The following CPEB1 variants were observed in gnomAD, a reference collection of about 807,000 sequenced individuals.
The protein encoded by CPEB1 is cytoplasmic polyadenylation element-binding protein 1.
A neutral mutation model predicts 65.8 loss-of-function variants in CPEB1; 7 were observed. The observed-to-expected ratio is 0.11, with a 90% CI of 0.06 to 0.20. The LOEUF is 0.20. Ranked by LOEUF, CPEB1 falls within the 10% of genes least tolerant of loss-of-function variation. The pLI is 1.00. For synonymous variants in CPEB1, 262 were observed against 260.0 expected (o/e 1.01, Z -0.08); for missense variants, 551 against 712.2 (o/e 0.77, Z 2.58).
chr15:82,567,500 G>A (rs1349917587), intron 4 of CPEB1, among the ~76,000 whole-genome samples: 1 of 152,026 alleles, frequency 6.6e-6, no homozygotes, highest in East Asian at 1.9e-4. Flanking sequence ...AGCTCGGTGT[G>A]GTGGTGGGCA....
intron 3 of CPEB1, among the ~76,000 whole-genome samples, chr15:82,598,703 T>G (rs953113066): frequency 1.3e-5 from 2 of 152,102 alleles, no homozygotes; most frequent in African/African-American, 4.8e-5. Context: ...GAGAATCTTT[T>G]GAACCCAGGA....
At chr15:82,643,534 CAGA>C (rs1215682362) in intron 1 of CPEB1, among the ~76,000 whole-genome samples, 2 of 151,374 alleles carry the variant, frequency 1.3e-5, no homozygotes, top group African/African-American at 4.9e-5. Flanking sequence ...GAGGCTGAGG[CAGA>C]AGAATTGCTT....
intron 3 of CPEB1, among the ~76,000 whole-genome samples, chr15:82,585,176 C>G (rs1038132841): frequency 3.3e-5 from 5 of 152,038 alleles, no homozygotes; most frequent in African/African-American, 9.7e-5. Flanking sequence ...GACCCTCCCC[C>G]CAGTACTAAT....
chr15:82,614,894 ACCT>A, intron 3 of CPEB1, among the ~76,000 whole-genome samples: 1 of 139,880 alleles, frequency 7.1e-6, no homozygotes, highest in Middle Eastern at 3.8e-3. Context: ...TATATATATG[ACCT>A]CAGCCAACGC....
In CPEB1 at chr15:82,553,563, A is replaced by G. The variant is rs772051844; in HGVS notation, c.1055-7T>C. 8 of 1,601,840 alleles carry G rather than the reference A, an allele frequency of 5.0e-6. No individual in the cohort carries two copies. Among genetic ancestry groups the G allele is most frequent in the Non-Finnish European group, 6.0e-6 (7 of 1,170,162 alleles). ...AAGGTGTTAACTAATCCAGCTGCAA[A>G]GAGACAGAAAAGAATGGCAGAAGCT... On this transcript the variant is annotated splice_region_variant and splice_polypyrimidine_tract_variant and intron_variant, in intron 7 of 12. Coordinates refer to ENST00000684509, the MANE Select transcript of CPEB1 (RefSeq NM_001365242.1).
chr15:82,577,562 C>A (rs570683244), intron 3 of CPEB1, among the ~76,000 whole-genome samples: 8 of 152,040 alleles, frequency 5.3e-5, no homozygotes, highest in Non-Finnish European at 8.8e-5. Context: ...CTCTGTCAGG[C>A]GGGAATGCAG....
chr15:82,596,784 AG>A (rs1489484391), intron 3 of CPEB1, among the ~76,000 whole-genome samples: 2 of 152,100 alleles, frequency 1.3e-5, no homozygotes, highest in African/African-American at 4.8e-5. Context: ...TTACATGGCA[AG>A]AAGAGGATAT....
rs183481574 is a variant in CPEB1, at chr15:82,559,494, C to T, written c.461-1508G>A. On this transcript the variant is annotated intron_variant, in intron 4 of 12. Coordinates refer to ENST00000684509, the MANE Select transcript of CPEB1 (RefSeq NM_001365242.1). ...ACTATATACCATTTTACATTCCCAC[C>T]GGCAGTGATGAGAGTTTCAGTCCCT... 8.5e-5 allele frequency among the ~76,000 whole-genome samples: 13 copies of T among 152,244 alleles called. No individual in the cohort carries two copies. In the East Asian group the frequency reaches 1.4e-3, roughly 16 times the overall value.
intron 3 of CPEB1, among the ~76,000 whole-genome samples, chr15:82,611,864 G>A (rs1207254588): frequency 6.6e-6 from 1 of 150,910 alleles, no homozygotes; most frequent in Non-Finnish European, 1.5e-5. Context: ...GGGGAGGGAG[G>A]GATCAAAGCC....
intron 7 of CPEB1, 64 bp from the exon 8 acceptor site, chr15:82,553,620 C>G: frequency 8.3e-7 from 1 of 1,207,604 alleles, no homozygotes; most frequent in African/African-American, 1.5e-5. Flanking sequence ...AAGACACAAA[C>G]ACAGAATCAC....
chr15:82,547,285 G>A (rs2035396873), intron 10 of CPEB1, 48 bp from the exon 11 acceptor site: 3 of 757,594 alleles, frequency 4.0e-6, no homozygotes, highest in Non-Finnish European at 6.1e-6. Flanking sequence ...TCTCCCAAAT[G>A]CTACTTTTTT....
At chr15:82,643,386 C>G (rs935726945) in intron 1 of CPEB1, among the ~76,000 whole-genome samples, 2 of 152,150 alleles carry the variant, frequency 1.3e-5, no homozygotes, top group Non-Finnish European at 2.9e-5. Context: ...AATCCCAGCA[C>G]TGTGGGAGGC....
At chr15:82,604,742 G>C (rs1186312358) in intron 3 of CPEB1, among the ~76,000 whole-genome samples, 1 of 152,110 alleles carries the variant, frequency 6.6e-6, no homozygotes, top group Admixed American at 6.5e-5. Flanking sequence ...CTGAGGACAA[G>C]AAACTACAGA....
chr15:82,639,262 A>T (rs911643235), intron 1 of CPEB1, among the ~76,000 whole-genome samples: 1 of 152,210 alleles, frequency 6.6e-6, no homozygotes, highest in African/African-American at 2.4e-5. Context: ...GACAATAGTT[A>T]TAAGTGTGTA....
chr15:82,603,895 T>G (rs902918520), intron 3 of CPEB1, among the ~76,000 whole-genome samples: 1 of 152,196 alleles, frequency 6.6e-6, no homozygotes, highest in Non-Finnish European at 1.5e-5. Context: ...GCTACATTAT[T>G]TCCAATGTCC....
intron 1 of CPEB1, 181 bp from the exon 2 acceptor site, chr15:82,628,737 C>T: frequency 2.7e-6 from 1 of 368,374 alleles, no homozygotes. Context: ...CCAATCAATC[C>T]TTCCTCTTCC....
In CPEB1 at chr15:82,556,700, C is replaced by T. The variant is rs187614437; in HGVS notation, c.688-578G>A. ...TCAGTCATGAGATAAATTTCCAAGA[C>T]TGAGTCCAATCTAAGTAATATAGAC... On this transcript the variant is annotated intron_variant, in intron 5 of 12. Transcript: ENST00000684509. Among the ~76,000 whole-genome samples, 386 of 152,334 alleles carry T rather than the reference C, an allele frequency of 2.5e-3. 2 individuals carry two copies. Among genetic ancestry groups the T allele is most frequent in the Admixed American group, 4.8e-3 (73 of 15,302 alleles).
At position 82,546,456 on chromosome 15, in the gene CPEB1, G is replaced by C; in HGVS notation, c.1641C>G (p.Phe547Leu). 1 of 1,613,906 alleles carries C rather than the reference G, an allele frequency of 6.2e-7. No homozygotes were observed. Among genetic ancestry groups the C allele is most frequent in the Non-Finnish European group, 8.5e-7 (1 of 1,179,770 alleles). ...TCGGACCCACCTGATCTCGACAGAA[G>C]AAAGGACCAGGCTGAGAACTGCAGA... ...CHICSSQPGP[F>L]FCRDQVCFKY... The change falls in exon 12 of 13, where the codon TTC becomes TTG. Residue 547 changes from phenylalanine (F) to leucine (L), a missense_variant. Physicochemically the swap from Phe to Leu is conservative, Grantham distance 22. Coordinates refer to ENST00000684509, the MANE Select transcript of CPEB1 (RefSeq NM_001365242.1).
chr15:82,643,427 C>A (rs1228340027), intron 1 of CPEB1, among the ~76,000 whole-genome samples: 1 of 152,004 alleles, frequency 6.6e-6, no homozygotes, highest in Non-Finnish European at 1.5e-5. Flanking sequence ...GTCAGGAGTT[C>A]GAGACCAGCC....
Sources: allele counts gnomAD v4.1 joint callset (sites outside exome capture counted in the v4.1 genomes callset), GRCh38; gene constraint gnomAD v4.1.1; transcripts MANE v1.5; gene names NCBI Gene and HGNC (gene_info 2026-07-23, HGNC 2026-07-21).